Variants in SORCS1 observed in about 807,000 individuals in gnomAD.
The protein encoded by SORCS1 is VPS10 domain-containing receptor SorCS1.
In SORCS1, 60 loss-of-function variants were observed where a neutral mutation model predicts 146.1. That is an observed-to-expected ratio of 0.41 (90% CI 0.33 to 0.51). The LOEUF (loss-of-function observed/expected upper bound fraction) is 0.51. Ranked by LOEUF, SORCS1 falls within the 20% of genes least tolerant of loss-of-function variation. The pLI, the probability that SORCS1 is intolerant of heterozygous loss-of-function variation, is 0.21. For missense variants in SORCS1, 1,352 were observed against 1,487.6 expected (o/e 0.91, Z 1.50); for synonymous variants, 637 against 584.0 (o/e 1.09, Z -1.31).
intron 2 of SORCS1, among the ~76,000 whole-genome samples, chr10:106,898,690 G>C (rs1951583240): frequency 6.6e-6 from 1 of 152,150 alleles, no homozygotes; most frequent in Non-Finnish European, 1.5e-5. Context: ...GGAAGACACA[G>C]GGCTGCCAGC....
At chr10:107,170,255 T>G in the SORCS1 span, among the ~76,000 whole-genome samples, 1 of 152,136 alleles carries the variant, frequency 6.6e-6, no homozygotes. Flanking sequence ...GAAACCAACT[T>G]CATAACATGT....
At chr10:107,050,617 A>G (rs550974778) in intron 1 of SORCS1, among the ~76,000 whole-genome samples, 1 of 152,308 alleles carries the variant, frequency 6.6e-6, no homozygotes, top group South Asian at 2.1e-4. Flanking sequence ...TATAGAATTT[A>G]ATATGCCACA....
intron 3 of SORCS1, among the ~76,000 whole-genome samples, chr10:106,783,414 T>G (rs1017903130): frequency 6.6e-6 from 1 of 152,170 alleles, no homozygotes; most frequent in African/African-American, 2.4e-5. Context: ...AAAAGCACTG[T>G]TAAGTTTTGT....
At chr10:107,032,428 T>G (rs1022379808) in intron 1 of SORCS1, among the ~76,000 whole-genome samples, 1 of 152,196 alleles carries the variant, frequency 6.6e-6, no homozygotes, top group African/African-American at 2.4e-5. Flanking sequence ...TTTCCTTTCT[T>G]TCGCTCTTCA....
At chr10:106,885,958 G>A (rs961302231) in intron 2 of SORCS1, among the ~76,000 whole-genome samples, 3 of 152,070 alleles carry the variant, frequency 2.0e-5, no homozygotes, top group African/African-American at 7.2e-5. Flanking sequence ...GTGCAACTGT[G>A]AGTCCATTAA....
intron 2 of SORCS1, among the ~76,000 whole-genome samples, chr10:106,899,778 G>T (rs1301648669): frequency 1.3e-5 from 2 of 151,896 alleles, no homozygotes; most frequent in East Asian, 3.9e-4. Flanking sequence ...TCCTTCATAA[G>T]TTCCTGGCAC....
At chr10:106,853,502 T>G (rs775055758) in intron 2 of SORCS1, among the ~76,000 whole-genome samples, 2 of 151,980 alleles carry the variant, frequency 1.3e-5, no homozygotes, top group Non-Finnish European at 1.5e-5. Flanking sequence ...CTTCTGCTTA[T>G]TATCAATTTA....
chr10:106,832,939 T>C (rs1330941010), intron 2 of SORCS1, among the ~76,000 whole-genome samples: 1 of 152,064 alleles, frequency 6.6e-6, no homozygotes, highest in African/African-American at 2.4e-5. Context: ...AAACAAGCCA[T>C]AGAAAGGCAA....
chr10:106,902,093 C>T (rs1475956439), intron 2 of SORCS1, among the ~76,000 whole-genome samples: 1 of 151,628 alleles, frequency 6.6e-6, no homozygotes, highest in African/African-American at 2.4e-5. Context: ...TTAGCAAATA[C>T]TAAAATATGA....
At chr10:106,821,919 C>G (rs547686638) in intron 3 of SORCS1, among the ~76,000 whole-genome samples, 1 of 148,828 alleles carries the variant, frequency 6.7e-6, no homozygotes, top group African/African-American at 2.5e-5. Context: ...AAGACTCCAT[C>G]TCAAAAAAAT....
intron 18 of SORCS1, among the ~76,000 whole-genome samples, chr10:106,635,062 C>T (rs1159605195): frequency 6.6e-6 from 1 of 152,096 alleles, no homozygotes; most frequent in Non-Finnish European, 1.5e-5. Flanking sequence ...TTGCTGACGT[C>T]TAGAATAGAA....
chr10:106,642,891 AG>A (rs1849166158), intron 18 of SORCS1, among the ~76,000 whole-genome samples: 1 of 152,228 alleles, frequency 6.6e-6, no homozygotes, highest in African/African-American at 2.4e-5. Context: ...AAATTTTGGT[AG>A]ATTTATTGAT....
chr10:106,930,446 T>A (rs1432800862), intron 2 of SORCS1, among the ~76,000 whole-genome samples: 1 of 152,224 alleles, frequency 6.6e-6, no homozygotes, highest in Non-Finnish European at 1.5e-5. Context: ...GTATATTGAA[T>A]ACAAATTATT....
intron 3 of SORCS1, among the ~76,000 whole-genome samples, chr10:106,791,545 C>A (rs560760350): frequency 1.2e-4 from 18 of 152,120 alleles, no homozygotes; most frequent in African/African-American, 4.3e-4. Context: ...ATTAAAAATA[C>A]AAAATTAGTT....
At chr10:107,177,550 T>C in the SORCS1 span, among the ~76,000 whole-genome samples, 3 of 152,228 alleles carry the variant, frequency 2.0e-5, no homozygotes, top group Non-Finnish European at 4.4e-5. Flanking sequence ...GTCATTATAG[T>C]TAAAAATAAT....
chr10:106,760,926 G>GTGAAACCCCATCTTTGT (rs1218403047), intron 5 of SORCS1, among the ~76,000 whole-genome samples: 7 of 152,046 alleles, frequency 4.6e-5, no homozygotes, highest in Non-Finnish European at 1.0e-4. Context: ...GGCCAACATG[G>GTGAAACCCCATCTTTGT]TGAAACCCCA....
chr10:106,724,999 G>A (rs1589743532), intron 6 of SORCS1, among the ~76,000 whole-genome samples: 1 of 152,216 alleles, frequency 6.6e-6, no homozygotes, highest in Admixed American at 6.5e-5. Context: ...AATCAGCCAG[G>A]TGTGGTGGTA....
intron 1 of SORCS1, among the ~76,000 whole-genome samples, chr10:106,981,420 T>C (rs1340729909): frequency 4.6e-5 from 7 of 152,214 alleles, no homozygotes; most frequent in Admixed American, 1.3e-4. Flanking sequence ...TGATGAGAGC[T>C]ATGGATGCGA....
At chr10:106,992,558 A>G (rs1004526459) in intron 1 of SORCS1, among the ~76,000 whole-genome samples, 1 of 151,998 alleles carries the variant, frequency 6.6e-6, no homozygotes, top group Non-Finnish European at 1.5e-5. Flanking sequence ...GCAGTGGCAC[A>G]ATCACAGCTC....
Sources: gnomAD v4.1 joint callset for allele counts (sites outside exome capture counted in the v4.1 genomes callset) on GRCh38, gnomAD v4.1.1 for gene constraint, MANE v1.5 for transcripts, NCBI Gene and HGNC (gene_info 2026-07-23, HGNC 2026-07-21) for gene names.